Variants in EMC2 observed in about 807,000 individuals in gnomAD.
EMC2 encodes the protein TPR repeat protein 35.
EMC2 carries 37 observed loss-of-function variants against 51.6 expected under a neutral mutation model. The ratio of observed to expected loss-of-function variants is 0.72; its 90% confidence interval spans 0.55 to 0.94. The LOEUF is 0.94. Ranked by LOEUF, EMC2 falls within the 40% of genes least tolerant of loss-of-function variation. EMC2 has a pLI of 0.00. For synonymous variants in EMC2, 131 were observed against 112.4 expected (o/e 1.17, Z -1.04); for missense variants, 359 against 350.9 (o/e 1.02, Z -0.18).
chr8:108,477,505 T>G (rs1306289739), intron 9 of EMC2, among the ~76,000 whole-genome samples: 3 of 152,068 alleles, frequency 2.0e-5, no homozygotes, highest in Non-Finnish European at 2.9e-5. Context: ...AGAAATAAAC[T>G]TTAATATTTT....
intron 5 of EMC2, among the ~76,000 whole-genome samples, chr8:108,459,515 C>T (rs1258306569): frequency 6.6e-6 from 1 of 152,130 alleles, no homozygotes; most frequent in African/African-American, 2.4e-5. Context: ...GCAAAGAGAG[C>T]TTGTGCAGGG....
At position 108,476,856 on chromosome 8, in the gene EMC2, C is replaced by T; in HGVS notation, c.666C>T (p.Asn222=). 6.3e-7 allele frequency: 1 copy of T among 1,599,532 alleles called. No individual in the cohort carries two copies. The highest frequency in any genetic ancestry group is 8.6e-7 in the Non-Finnish European group (1 of 1,167,564). The change falls in exon 9 of 11, where the codon AAC becomes AAT. Residue 222 remains asparagine, a synonymous_variant. Transcript: ENST00000220853. ...RKYFAQALKL[N]NRNMRALFGL... The stretch of plus-strand genomic sequence containing the variant: ...ATTTTGCACAGGCATTGAAACTGAA[C>T]AACAGAAATATGAGAGCTTTGTTTG...
intron 5 of EMC2, chr8:108,463,932 A>G (rs140712191): frequency 3.4e-4 from 52 of 152,642 alleles, no homozygotes; most frequent in African/African-American, 1.2e-3. Flanking sequence ...TGTAGCACCA[A>G]ACCCTCCACT....
At chr8:108,481,818 G>C (rs1811049005) in intron 10 of EMC2, among the ~76,000 whole-genome samples, 1 of 151,890 alleles carries the variant, frequency 6.6e-6, no homozygotes, top group Non-Finnish European at 1.5e-5. Flanking sequence ...ATTCATTTTT[G>C]TCTTGCATAT....
chr8:108,454,574 A>G (rs1819109019), intron 4 of EMC2, among the ~76,000 whole-genome samples: 2 of 152,084 alleles, frequency 1.3e-5, no homozygotes, highest in Admixed American at 6.5e-5. Context: ...CACCAAATAT[A>G]TTGTTGCTGT....
intron 9 of EMC2, among the ~76,000 whole-genome samples, chr8:108,478,321 C>T (rs1438860679): frequency 6.6e-6 from 1 of 151,612 alleles, no homozygotes; most frequent in East Asian, 1.9e-4. Context: ...TTCACAGATC[C>T]CAGATTAAGA....
intron 9 of EMC2, among the ~76,000 whole-genome samples, chr8:108,477,689 A>T (rs1055430082): frequency 6.6e-6 from 1 of 152,058 alleles, no homozygotes; most frequent in Non-Finnish European, 1.5e-5. Flanking sequence ...ATTTTCCTGG[A>T]TTTTAGCAAA....
chr8:108,475,656 G>C (rs1449361664), intron 7 of EMC2: 2 of 428,188 alleles, frequency 4.7e-6, no homozygotes, highest in Non-Finnish European at 8.3e-6. Context: ...TTGTTTGCAG[G>C]CTGCTTTAAG....
intron 7 of EMC2, among the ~76,000 whole-genome samples, chr8:108,472,872 A>G (rs888976216): frequency 2.2e-4 from 33 of 151,918 alleles, no homozygotes; most frequent in East Asian, 7.7e-4. Flanking sequence ...TTGGTAGCCT[A>G]TATCTAGAAC....
intron 3 of EMC2, among the ~76,000 whole-genome samples, chr8:108,451,639 A>G (rs999221011): frequency 2.0e-5 from 3 of 151,656 alleles, no homozygotes; most frequent in Admixed American, 2.0e-4. Flanking sequence ...TTCAGAACCT[A>G]TGAGACATAG....
At chr8:108,475,144 A>G (rs1031038850) in intron 7 of EMC2, 1 of 151,934 alleles carries the variant, frequency 6.6e-6, no homozygotes, top group Non-Finnish European at 1.5e-5. Context: ...TCCTGTAGAT[A>G]GTGAGGATAG....
At chr8:108,458,183 A>T (rs1399190698) in intron 5 of EMC2, among the ~76,000 whole-genome samples, 4 of 152,230 alleles carry the variant, frequency 2.6e-5, no homozygotes, top group African/African-American at 9.6e-5. Flanking sequence ...GCTCCGCCCC[A>T]TGGCTTTGCA....
chr8:108,479,215 C>T, intron 10 of EMC2, 105 bp downstream of exon 10: 1 of 461,468 alleles, frequency 2.2e-6, no homozygotes, highest in South Asian at 7.6e-5. Flanking sequence ...CTTATATATG[C>T]CTTTGGGGCT....
rs1818942198 is a variant in EMC2 at position 108,448,824 on chromosome 8, T to C, written c.41-999T>C. 3.3e-5 allele frequency among the ~76,000 whole-genome samples: 5 copies of C among 152,182 alleles called. No individual in the cohort carries two copies. The East Asian group carries it at 9.6e-4, about 29-fold the overall frequency. ...AATTTATTTATTTTTAAAATTGACA[T>C]ATAAAATTTAAAATTCTAGTGGTTT... is the stretch of plus-strand genomic sequence containing the variant. On this transcript the variant is annotated intron_variant, in intron 1 of 10. Coordinates refer to ENST00000220853, the MANE Select transcript of EMC2 (RefSeq NM_014673.5).
At chr8:108,463,997 C>A (rs1375070383) in intron 5 of EMC2, 1 of 152,432 alleles carries the variant, frequency 6.6e-6, no homozygotes, top group Non-Finnish European at 1.5e-5. Flanking sequence ...GGCCCCCTAA[C>A]TATTCCTTCA....
At chr8:108,458,369 C>T (rs1022848524) in intron 5 of EMC2, among the ~76,000 whole-genome samples, 1 of 152,328 alleles carries the variant, frequency 6.6e-6, no homozygotes, top group Non-Finnish European at 1.5e-5. Context: ...GGCTCTGGCC[C>T]CACATTTCAC....
Position 108,459,721 on chromosome 8 carries a change from A to AGAGTGTGT in EMC2, c.363+3792_363+3793insAGTGTGTG, listed in dbSNP as rs763020311. ...AGCCATGTGAGAGAGAGAGAGAGAG[A>AGAGTGTGT]GTGTGTGTGTGTGTGTGTGTGTGTG... On this transcript the variant is annotated intron_variant, in intron 5 of 10. Coordinates refer to ENST00000220853, the MANE Select transcript of EMC2 (RefSeq NM_014673.5). Among the ~76,000 whole-genome samples the AGAGTGTGT allele has an allele frequency of 4.4e-3, 596 of 136,950 alleles. 1 individual carries two copies. Among genetic ancestry groups the AGAGTGTGT allele is most frequent in the African/African-American group, 0.016 (533 of 33,712 alleles). 89.8% of individuals were successfully genotyped at this position (136,950 alleles called of 152,430 possible).
chr8:108,450,077 A>T (rs1487826288), intron 2 of EMC2, 141 bp downstream of exon 2: 3 of 528,332 alleles, frequency 5.7e-6, no homozygotes, highest in Non-Finnish European at 1.0e-5. Context: ...AATTTTAATG[A>T]TAGTTTATTT....
chr8:108,484,317 G>A (rs750376869), intron 10 of EMC2, among the ~76,000 whole-genome samples: 3 of 151,938 alleles, frequency 2.0e-5, no homozygotes, highest in Non-Finnish European at 2.9e-5. Flanking sequence ...ATACAATTCT[G>A]GAATAGACAG....
Sources: allele counts gnomAD v4.1 joint callset (sites outside exome capture counted in the v4.1 genomes callset), GRCh38; gene constraint gnomAD v4.1.1; transcripts MANE v1.5; gene names NCBI Gene and HGNC (gene_info 2026-07-23, HGNC 2026-07-21).